Variants in TENM2 observed in about 807,000 individuals in gnomAD.
TENM2 encodes teneurin-2.
A neutral mutation model predicts 245.2 loss-of-function variants in TENM2; 52 were observed. The ratio of observed to expected loss-of-function variants is 0.21; its 90% CI spans 0.17 to 0.27. TENM2 has a LOEUF of 0.27. Ranked by LOEUF, TENM2 falls within the 10% of genes least tolerant of loss-of-function variation. The pLI, the probability that TENM2 is intolerant of heterozygous loss-of-function variation, is 1.00. For missense variants in TENM2, 3,046 were observed against 3,666.8 expected, an observed-to-expected ratio of 0.83 and a Z score of 4.37; for synonymous variants, 1,363 against 1,438.9, an observed-to-expected ratio of 0.95 and a Z score of 1.19.
intron 2 of TENM2, among the ~76,000 whole-genome samples, chr5:167,387,360 A>C (rs968491230): frequency 1.3e-5 from 2 of 152,100 alleles, no homozygotes; most frequent in Non-Finnish European, 2.9e-5. Flanking sequence ...ATTTGTGTAC[A>C]CTAACTTTGT....
In TENM2 at chr5:168,209,226, C is replaced by G. The variant is rs868439606; in HGVS notation, c.3825-2508C>G. Among the ~76,000 whole-genome samples the G allele has an allele frequency of 2.0e-4, 31 of 152,222 alleles. No individual in the cohort carries two copies. In the South Asian group the frequency reaches 6.4e-3, roughly 32 times the overall value. On this transcript the variant is annotated intron_variant, in intron 19 of 28. Coordinates refer to ENST00000518659, the Ensembl canonical transcript of TENM2. ...TTATAAAATTGGGGAAAATCTTTAT[C>G]AAGTTTCCTTTTTAATATCTCTGGG...
At chr5:167,499,750 A>G (rs1175982603) in intron 2 of TENM2, among the ~76,000 whole-genome samples, 2 of 152,016 alleles carry the variant, frequency 1.3e-5, no homozygotes, top group Non-Finnish European at 2.9e-5. Flanking sequence ...CTTGGTTCAT[A>G]GGTATTTGCT....
chr5:167,885,914 C>T (rs1774248142), intron 3 of TENM2, among the ~76,000 whole-genome samples: 1 of 152,298 alleles, frequency 6.6e-6, no homozygotes, highest in African/African-American at 2.4e-5. Flanking sequence ...AACTCCTGAC[C>T]TCAGGTGATC....
chr5:168,234,042 C>T (rs1334742162), intron 25 of TENM2, among the ~76,000 whole-genome samples: 4 of 152,032 alleles, frequency 2.6e-5, no homozygotes, highest in Non-Finnish European at 4.4e-5. Flanking sequence ...ATCAGATGGA[C>T]GTCTCTCTTT....
At chr5:167,315,334 GT>G in intron 1 of TENM2, among the ~76,000 whole-genome samples, 1 of 152,198 alleles carries the variant, frequency 6.6e-6, no homozygotes, top group South Asian at 2.1e-4. Flanking sequence ...GTTAACTTAT[GT>G]TTAAACAATC....
chr5:167,022,584 T>C, the TENM2 span, among the ~76,000 whole-genome samples: 1 of 152,242 alleles, frequency 6.6e-6, no homozygotes, highest in Non-Finnish European at 1.5e-5. Flanking sequence ...TTTATAAACG[T>C]GGATTTTAGT....
At chr5:167,823,995 C>T (rs541366064) in intron 2 of TENM2, among the ~76,000 whole-genome samples, 89 of 152,178 alleles carry the variant, frequency 5.8e-4, no homozygotes, top group African/African-American at 2.0e-3. Context: ...ACGGTGTGAC[C>T]CACCTTACCT....
chr5:167,209,864 C>A, the TENM2 span, among the ~76,000 whole-genome samples: 1 of 152,096 alleles, frequency 6.6e-6, no homozygotes, highest in African/African-American at 2.4e-5. Flanking sequence ...TGCTTCTCTT[C>A]CCTTATTCAA....
intron 2 of TENM2, among the ~76,000 whole-genome samples, chr5:167,391,364 G>A (rs894490163): frequency 2.0e-5 from 3 of 152,018 alleles, no homozygotes; most frequent in African/African-American, 4.8e-5. Context: ...AGTGGCTCAC[G>A]TGTGTAATCC....
intron 2 of TENM2, among the ~76,000 whole-genome samples, chr5:167,383,012 T>C (rs556382401): frequency 1.4e-4 from 21 of 152,114 alleles, no homozygotes; most frequent in African/African-American, 3.9e-4. Flanking sequence ...TTGTGTTAAT[T>C]TGGGGTGGGG....
At chr5:167,773,876 A>G (rs1040863133) in intron 2 of TENM2, among the ~76,000 whole-genome samples, 1 of 152,150 alleles carries the variant, frequency 6.6e-6, no homozygotes, top group African/African-American at 2.4e-5. Context: ...TACACCATGC[A>G]AAAGGTCATG....
intron 2 of TENM2, among the ~76,000 whole-genome samples, chr5:167,813,311 C>G (rs774787193): frequency 5.3e-4 from 81 of 151,866 alleles, no homozygotes; most frequent in Non-Finnish European, 4.9e-4. Flanking sequence ...GGGAGGCTTT[C>G]AGAGGAAGGG....
chr5:167,861,470 A>C (rs2151289909), intron 2 of TENM2, among the ~76,000 whole-genome samples: 1 of 152,306 alleles, frequency 6.6e-6, no homozygotes, highest in South Asian at 2.1e-4. Context: ...AGAGCCTAAG[A>C]GCCAAGCCTT....
chr5:167,344,701 C>A (rs1247559446), intron 1 of TENM2, among the ~76,000 whole-genome samples: 4 of 152,258 alleles, frequency 2.6e-5, no homozygotes, highest in Non-Finnish European at 5.9e-5. Flanking sequence ...CCTATGGCTT[C>A]TTTCTGATTC....
In TENM2 at chr5:167,706,713, A is replaced by G. The variant is rs749832312; in HGVS notation, c.503-169273A>G. 2.6e-5 allele frequency among the ~76,000 whole-genome samples: 4 copies of G among 151,964 alleles called. No homozygotes were observed. In the East Asian group the frequency reaches 7.7e-4, roughly 29 times the overall value. On this transcript the variant is annotated intron_variant, in intron 2 of 28. Transcript: ENST00000518659. ...GCTGAACCAATTTATATTCCCATCA[A>G]TAGTGTTAAAGGGTTGCCCGGCCGG...
chr5:167,161,184 A>AACTAATATGTTATGCAGCATTTCTCACC, the TENM2 span, among the ~76,000 whole-genome samples: 2 of 152,276 alleles, frequency 1.3e-5, no homozygotes, highest in East Asian at 3.9e-4. Flanking sequence ...CTCTCCAAAA[A>AACTAATATGTTATGCAGCATTTCTCACC]ACTAATATGT....
intron 14 of TENM2, among the ~76,000 whole-genome samples, chr5:168,192,442 A>G (rs1337521975): frequency 6.6e-6 from 1 of 152,196 alleles, no homozygotes; most frequent in Non-Finnish European, 1.5e-5. Flanking sequence ...AATAAGTAAC[A>G]TTTCTCCTTA....
At chr5:167,378,060 C>G (rs1335583649) in intron 2 of TENM2, among the ~76,000 whole-genome samples, 2 of 151,900 alleles carry the variant, frequency 1.3e-5, no homozygotes, top group Non-Finnish European at 2.9e-5. Context: ...GTTTTAATTT[C>G]ATTTCTTGGT....
intron 7 of TENM2, among the ~76,000 whole-genome samples, chr5:168,072,746 T>C (rs1246194433): frequency 6.6e-6 from 1 of 152,144 alleles, no homozygotes; most frequent in Non-Finnish European, 1.5e-5. Flanking sequence ...GTTGTAAGAA[T>C]AAATGAGATA....
Sources: gnomAD v4.1 joint callset for allele counts (sites outside exome capture counted in the v4.1 genomes callset) on GRCh38, gnomAD v4.1.1 for gene constraint, MANE v1.5 for transcripts, NCBI Gene and HGNC (gene_info 2026-07-23, HGNC 2026-07-21) for gene names.